DHX8: variants seen among roughly 807,000 people sequenced by gnomAD.
DHX8 encodes ATP-dependent RNA helicase DHX8.
A neutral mutation model predicts 140.7 loss-of-function variants in DHX8; 67 were observed. That is an observed-to-expected ratio of 0.48 (90% CI 0.39 to 0.58). The LOEUF (loss-of-function observed/expected upper bound fraction) is 0.58, where lower values mean the gene tolerates loss of function less well. Ranked by LOEUF, DHX8 falls within the 20% of genes least tolerant of loss-of-function variation. The probability of loss-of-function intolerance (pLI) is 0.00; values close to 1 mark genes in which losing one functional copy is unlikely to be tolerated. For synonymous variants in DHX8, 533 were observed against 553.2 expected (o/e 0.96, Z 0.51); for missense variants, 887 against 1,550.7 (o/e 0.57, Z 7.19).
At chr17:43,520,411 C>T in intron 19 of DHX8, 144 bp downstream of exon 19, 3 of 1,082,208 alleles carry the variant, frequency 2.8e-6, no homozygotes, top group Non-Finnish European at 3.9e-6. Context: ...CTGAATTTCT[C>T]CACTGTCACT....
At chr17:43,519,998 A>G in intron 18 of DHX8, 132 bp from the exon 19 acceptor site, 1 of 923,918 alleles carries the variant, frequency 1.1e-6, no homozygotes, top group Non-Finnish European at 1.7e-6. Context: ...CCTGGAAGTT[A>G]CCGCCAGTCT....
chr17:43,499,470 T>A (rs1969058718), intron 10 of DHX8, among the ~76,000 whole-genome samples: 1 of 152,220 alleles, frequency 6.6e-6, no homozygotes, highest in Admixed American at 6.5e-5. Flanking sequence ...ATCATTCTTC[T>A]GCGGTGTTCT....
chr17:43,527,783 C>T, downstream of DHX8: 1 of 216,964 alleles, frequency 4.6e-6, no homozygotes, highest in Non-Finnish European at 9.3e-6. Flanking sequence ...GCTTCAAGAC[C>T]AGAGCTCTTT....
downstream of DHX8, chr17:43,530,392 C>T: frequency 7.0e-7 from 1 of 1,433,886 alleles, no homozygotes; most frequent in Non-Finnish European, 9.1e-7. Context: ...AACTTGAGGG[C>T]TGCGGCTGAG....
intron 2 of DHX8, among the ~76,000 whole-genome samples, chr17:43,532,233 C>G (rs530236768): frequency 1.8e-3 from 279 of 152,264 alleles, no homozygotes; most frequent in African/African-American, 6.5e-3. Context: ...GGTGAGGTGG[C>G]TCATGTCTAT....
At chr17:43,532,830 G>A (rs370895197) in intron 2 of DHX8, 1 of 1,613,876 alleles carries the variant, frequency 6.2e-7, no homozygotes, top group African/African-American at 1.3e-5. Flanking sequence ...TGGGGATAGG[G>A]TGGGCAGGGC....
At chr17:43,533,840 G>A (rs201700547) in intron 2 of DHX8, 4 of 1,605,140 alleles carry the variant, frequency 2.5e-6, no homozygotes, top group Non-Finnish European at 3.4e-6. Context: ...CCCTTCACCA[G>A]GTCCAGGCTG....
chr17:43,532,971 G>A lies in DHX8; in HGVS notation c.351-3441G>A. 1.3e-6 allele frequency: 2 copies of A among 1,533,518 alleles called. 1 individual carries two copies. The highest frequency in any genetic ancestry group is 2.6e-5 in the South Asian group (2 of 77,486). 95.0% of individuals were successfully genotyped at this position (1,533,518 alleles called of 1,614,324 possible). ...GTGGTTGGATGGAGAAGGAAGAGAA[G>A]AGAACTTTAAATTAATCCTTCCTCG... On this transcript the variant is annotated intron_variant, in intron 2 of 3. Coordinates refer to the DHX8 transcript ENST00000589898.
chr17:43,513,265 A>G lies in DHX8; in HGVS notation c.2503-97A>G, dbSNP rs901618113. On this transcript the variant is annotated intron_variant, in intron 16 of 22. Transcript: ENST00000262415. Reference sequence around the variant, plus strand: ...ACCGTCTAGAGAGAGAGATAGCCACATATTCCTTTGGGAAGATATCTGGGT... The same window carrying G: ...ACCGTCTAGAGAGAGAGATAGCCACGTATTCCTTTGGGAAGATATCTGGGT... The G allele has an allele frequency of 3.5e-5, 47 of 1,354,460 alleles. No homozygotes were observed. The Middle Eastern group carries it at 7.1e-4, about 20-fold the overall frequency. The allele number at this position is 1,354,460 out of a possible 1,614,324, so 83.9% of individuals were successfully genotyped here.
chr17:43,487,350 T>TGAGTTAGTAGTAACTAG (rs2154586264), intron 1 of DHX8, among the ~76,000 whole-genome samples: 1 of 152,390 alleles, frequency 6.6e-6, no homozygotes, highest in East Asian at 1.9e-4. Context: ...AGTACTACTT[T>TGAGTTAGTAGTAACTAG]ATGAGTTAGT....
intron 8 of DHX8, 49 bp from the exon 9 acceptor site, chr17:43,496,132 A>T: frequency 1.4e-6 from 2 of 1,452,928 alleles, no homozygotes; most frequent in Non-Finnish European, 1.9e-6. Context: ...ACAAAAAAAA[A>T]GTTTTGATCT....
intron 2 of DHX8, 122 bp from the exon 3 acceptor site, chr17:43,490,269 A>G: frequency 1.4e-6 from 1 of 695,572 alleles, no homozygotes; most frequent in Non-Finnish European, 2.5e-6. Context: ...TGTTTCATGT[A>G]TTCCAATTAG....
At chr17:43,484,222 A>T (rs1967979850) in intron 1 of DHX8, 37 bp downstream of exon 1, 1 of 1,574,382 alleles carries the variant, frequency 6.4e-7, no homozygotes, top group Non-Finnish European at 8.6e-7. Flanking sequence ...TCAGTTTGGG[A>T]TTGAGGGAAG....
chr17:43,507,183 T>C lies in DHX8; in HGVS notation c.1909T>C (p.Cys637Arg). 1 of 1,613,344 alleles carries C rather than the reference T, an allele frequency of 6.2e-7. No individual in the cohort carries two copies. Among genetic ancestry groups the C allele is most frequent in the Non-Finnish European group, 8.5e-7 (1 of 1,179,668 alleles). Residue 637 changes from cysteine to arginine, a missense_variant, in exon 13 of 23, where the codon TGC becomes CGC. Cys to Arg is a radical substitution (Grantham distance 180). Around this residue, in one of 9 missense-constraint regions of DHX8, gnomAD observed 178 missense variants for 398.5 expected, o/e 0.45. Transcript: ENST00000262415. ...AAGAGTGTCAGAGGAGTTTGGTTGT[T>C]GCTTAGGCCAAGAGGTAAGTAGATA... ...AKRVSEEFGC[C>R]LGQEVGYTIR... is the part of the protein sequence containing the mutation.
At chr17:43,530,317 C>A (rs1414693182), downstream of DHX8, 11 of 1,483,908 alleles carry the variant, frequency 7.4e-6, no homozygotes, top group Non-Finnish European at 9.9e-6. Flanking sequence ...GCCCAGGTTG[C>A]CTGCCAACCA....
At chr17:43,518,346 CT>C (rs1970214527) in intron 18 of DHX8, 1 of 152,058 alleles carries the variant, frequency 6.6e-6, no homozygotes, top group Admixed American at 6.6e-5. Flanking sequence ...TCAGTCGTTT[CT>C]TTTATTCATC....
intron 1 of DHX8, among the ~76,000 whole-genome samples, chr17:43,488,334 G>C (rs981639247): frequency 6.6e-6 from 1 of 151,596 alleles, no homozygotes; most frequent in Non-Finnish European, 1.5e-5. Context: ...CAGGTGTGCC[G>C]GGCACAGTGG....
rs368421084 is a variant in DHX8 at position 43,493,522 on chromosome 17, G to T, written c.941G>T (p.Ser314Ile). 7 of 1,614,088 alleles carry T rather than the reference G, an allele frequency of 4.3e-6. No individual in the cohort carries two copies. The highest frequency in any genetic ancestry group is 4.2e-6 in the Non-Finnish European group (5 of 1,180,038). The change falls in exon 7 of 23, where the codon AGC (serine) becomes ATC (isoleucine). Residue 314 changes from serine (S) to isoleucine (I), a missense_variant. This residue lies in a region of DHX8 where 98 missense variants were observed against 152.7 expected (regional missense o/e 0.64). Coordinates refer to ENST00000262415, the MANE Select transcript of DHX8 (RefSeq NM_004941.3). Reference protein sequence around the residue: ...GRVANVADVVSKGQRVKVKVL... With the variant: ...GRVANVADVVIKGQRVKVKVL... ...GTGGCCAATGTAGCTGATGTCGTGAGCAAAGGCCAGAGGGTCAAAGTCAAA... is the reference window on the plus strand; with the variant it reads ...GTGGCCAATGTAGCTGATGTCGTGATCAAAGGCCAGAGGGTCAAAGTCAAA...
chr17:43,522,154 A>C lies in DHX8; in HGVS notation c.3371A>C (p.Tyr1124Ser), dbSNP rs1288422177. The change falls in exon 22 of 23, where the codon TAC becomes TCC. Residue 1124 changes from tyrosine to serine, a missense_variant. Transcript: ENST00000262415. The part of the protein sequence containing the change: ...NAAKKDPQEG[Y>S]RTLIDQQVVY... ...GCCAAGAAAGACCCGCAGGAGGGTT[A>C]CCGGACACTGATCGACCAGCAGGTG... The C allele has an allele frequency of 6.2e-7, 1 of 1,614,100 alleles. No individual in the cohort carries two copies. Among genetic ancestry groups the C allele is most frequent in the Non-Finnish European group, 8.5e-7 (1 of 1,179,994 alleles).
Sources: allele counts gnomAD v4.1 joint callset (sites outside exome capture counted in the v4.1 genomes callset), GRCh38; gene constraint gnomAD v4.1.1; regional missense constraint gnomAD v4.1.1; transcripts MANE v1.5; gene names NCBI Gene and HGNC (gene_info 2026-07-23, HGNC 2026-07-21).